FBRSL1: variants seen among roughly 807,000 people sequenced by gnomAD.
The protein encoded by FBRSL1 is fibrosin-1-like protein.
A neutral mutation model predicts 89.6 loss-of-function variants in FBRSL1; 51 were observed. The ratio of observed to expected loss-of-function variants is 0.57; its 90% CI spans 0.45 to 0.72. FBRSL1 has a LOEUF of 0.72. Among genes scored for constraint, FBRSL1 ranks in the 30% least tolerant of loss-of-function variants. The pLI is 0.00. For synonymous variants in FBRSL1, 779 were observed against 681.1 expected, an observed-to-expected ratio of 1.14 and a Z score of -2.24; for missense variants, 1,618 against 1,451.8, an observed-to-expected ratio of 1.11 and a Z score of -1.86.
chr12:132,564,014 G>A (rs958835040), intron 5 of FBRSL1, among the ~76,000 whole-genome samples: 6 of 151,220 alleles, frequency 4.0e-5, no homozygotes, highest in Admixed American at 3.9e-4. Flanking sequence ...CTCGGCTGCT[G>A]TGGCTGGGGC....
intron 1 of FBRSL1, among the ~76,000 whole-genome samples, chr12:132,494,734 G>A (rs952132166): frequency 5.9e-5 from 9 of 152,242 alleles, no homozygotes; most frequent in Admixed American, 2.6e-4. Flanking sequence ...AAGAAGGTGC[G>A]TGCTGAAGCT....
At chr12:132,510,751 C>T (rs2034240541) in intron 2 of FBRSL1, 1 of 1,191,926 alleles carries the variant, frequency 8.4e-7, no homozygotes. Context: ...ACAGTGCCCC[C>T]ACCCGCGTTG....
At chr12:132,543,377 G>A (rs901183762) in intron 4 of FBRSL1, among the ~76,000 whole-genome samples, 2 of 152,226 alleles carry the variant, frequency 1.3e-5, no homozygotes, top group South Asian at 2.1e-4. Context: ...GTGGGGCCAG[G>A]ACCCGCCCCC....
intron 2 of FBRSL1, chr12:132,510,187 A>G (rs1196325098): frequency 4.9e-6 from 6 of 1,231,400 alleles, no homozygotes; most frequent in Admixed American, 4.2e-5. Flanking sequence ...ATGGGCCCCA[A>G]CAAGCCCTGC....
chr12:132,510,314 G>A, intron 2 of FBRSL1: 1 of 1,230,518 alleles, frequency 8.1e-7, no homozygotes, highest in Non-Finnish European at 1.0e-6. Flanking sequence ...TATTGGATCT[G>A]GTGCCGGCCC....
chr12:132,514,949 A>G lies in FBRSL1; in HGVS notation c.489+6599A>G, dbSNP rs149037046. Reference sequence around the variant, plus strand: ...TACTCTTTTTTTTGTAGAGTCTGGGAAAGCCAGCAGGTGTTTTACATTTAC... The same window carrying G: ...TACTCTTTTTTTTGTAGAGTCTGGGGAAGCCAGCAGGTGTTTTACATTTAC... On this transcript the variant is annotated intron_variant, in intron 2 of 18. Transcript: ENST00000680143. Among the ~76,000 whole-genome samples the G allele has an allele frequency of 4.1e-3, 622 of 152,280 alleles. 9 individuals are homozygous for G. The highest frequency in any genetic ancestry group is 0.014 in the African/African-American group (563 of 41,552).
chr12:132,513,710 G>C (rs1380819176), intron 2 of FBRSL1, among the ~76,000 whole-genome samples: 1 of 152,198 alleles, frequency 6.6e-6, no homozygotes, highest in Non-Finnish European at 1.5e-5. Context: ...TGGTTGGTTT[G>C]TTGTTGGGGG....
intron 4 of FBRSL1, among the ~76,000 whole-genome samples, chr12:132,541,902 C>T (rs111937048): frequency 8.1e-6 from 1 of 123,418 alleles, no homozygotes; most frequent in Non-Finnish European, 2.0e-5. Flanking sequence ...CTGCTCCCCC[C>T]ACCACCCCGA....
Position 132,510,551 on chromosome 12 carries a change from A to G in FBRSL1, c.489+2201A>G. 3 of 1,231,152 alleles carry G rather than the reference A, an allele frequency of 2.4e-6. No homozygotes were observed. In the South Asian group the frequency reaches 1.3e-4, roughly 52 times the overall value. The allele number at this position is 1,231,152 out of a possible 1,614,324, so 76.3% of individuals were successfully genotyped here. The stretch of plus-strand genomic sequence containing the variant: ...GGCCGCATTGCCCTTCGGGCTGGAG[A>G]TGCTTTGCCGGACTAGCCTGAGGCC... On this transcript the variant is annotated intron_variant, in intron 2 of 18. Transcript: ENST00000680143.
chr12:132,571,987 G>A (rs118053709), intron 9 of FBRSL1: 8,682 of 485,452 alleles, frequency 0.018, 300 homozygotes, highest in East Asian at 0.13. Context: ...TCCCCAGCGC[G>A]ACCCAGCAGC....
intron 2 of FBRSL1, chr12:132,510,482 C>T (rs2136628714): frequency 1.6e-6 from 2 of 1,232,032 alleles, no homozygotes; most frequent in Non-Finnish European, 2.0e-6. Context: ...GTTTTCCAGC[C>T]CACTCCAGTG....
At chr12:132,515,663 C>A (rs887490179) in intron 2 of FBRSL1, among the ~76,000 whole-genome samples, 1 of 151,780 alleles carries the variant, frequency 6.6e-6, no homozygotes, top group Non-Finnish European at 1.5e-5. Flanking sequence ...ACTTTGGGAC[C>A]CCAAGGAGGG....
chr12:132,508,577 G>A (rs2033963736), intron 2 of FBRSL1, among the ~76,000 whole-genome samples: 2 of 152,214 alleles, frequency 1.3e-5, no homozygotes, highest in Admixed American at 1.3e-4. Context: ...GGCCACAGCA[G>A]GAGAGGTGCC....
Position 132,570,534 on chromosome 12 carries a change from CCGG to C in FBRSL1, c.1209_1211del (p.Ala404del), listed in dbSNP as rs2039938577. Reference sequence around the variant, plus strand: ...CAGCAGCCTGGTCCTCCCAGGACACCCGGCCGGTAGGTGTCTCGGCCACAATCT... The same window carrying C: ...CAGCAGCCTGGTCCTCCCAGGACACCCCGGTAGGTGTCTCGGCCACAATCT... On this transcript the variant is annotated inframe_deletion, in exon 8 of 19. Coordinates refer to ENST00000680143, the MANE Select transcript of FBRSL1 (RefSeq NM_001367871.1). The C allele has an allele frequency of 2.0e-6, 3 of 1,508,990 alleles. No homozygotes were observed. Among genetic ancestry groups the C allele is most frequent in the Non-Finnish European group, 2.7e-6 (3 of 1,132,074 alleles). The allele number at this position is 1,508,990 out of a possible 1,614,324, so 93.5% of individuals were successfully genotyped here.
chr12:132,543,962 C>T (rs955677713), intron 4 of FBRSL1, among the ~76,000 whole-genome samples: 1 of 152,296 alleles, frequency 6.6e-6, no homozygotes, highest in East Asian at 1.9e-4. Context: ...TGACTCGTGC[C>T]GCTGAGTGGT....
At chr12:132,581,659 C>T in intron 16 of FBRSL1, 82 bp from the exon 17 acceptor site, 1 of 1,499,818 alleles carries the variant, frequency 6.7e-7, no homozygotes, top group South Asian at 1.2e-5. Flanking sequence ...GGCCCAAAGC[C>T]TCTACAGCAG....
At position 132,560,389 on chromosome 12, in the gene FBRSL1, G is replaced by T. The variant is rs542280314; in HGVS notation, c.646-7092G>T. On this transcript the variant is annotated intron_variant, in intron 5 of 18. Coordinates refer to ENST00000680143, the MANE Select transcript of FBRSL1 (RefSeq NM_001367871.1). ...CCAAGCGCGGAGACCGCGTCCTCCCGGGGGCGCACGTGGCGGCGGGCGGGC... is the reference window on the plus strand; with the variant it reads ...CCAAGCGCGGAGACCGCGTCCTCCCTGGGGCGCACGTGGCGGCGGGCGGGC... Among the ~76,000 whole-genome samples the T allele has an allele frequency of 3.3e-5, 5 of 152,076 alleles. No individual in the cohort carries two copies. The South Asian group carries it at 1.0e-3, about 31-fold the overall frequency.
chr12:132,509,784 C>T (rs909296858), intron 2 of FBRSL1: 20 of 1,231,358 alleles, frequency 1.6e-5, no homozygotes, highest in Admixed American at 4.2e-5. Flanking sequence ...CTCAGGACAG[C>T]GCAGCCGGCC....
rs1270956718 is a variant in FBRSL1 at position 132,570,388 on chromosome 12, A to G, written c.1061A>G (p.His354Arg). The stretch of plus-strand genomic sequence containing the variant: ...GGGAAGCACGTGTCGCTGTCGCCAC[A>G]CGGGCCGGGCCCCCACCTGTCTACC... ...GLGKHVSLSP[H>R]GPGPHLSTSH... Residue 354 changes from histidine (H) to arginine (R), a missense_variant, in exon 8 of 19, where the codon CAC (histidine) becomes CGC (arginine). By Grantham distance (29) the His-to-Arg change is conservative (BLOSUM62 0). Transcript: ENST00000680143. The G allele has an allele frequency of 1.3e-6, 2 of 1,533,652 alleles. No individual in the cohort carries two copies. The highest frequency in any genetic ancestry group is 1.2e-5 in the South Asian group (1 of 83,596).
Sources: allele counts gnomAD v4.1 joint callset (sites outside exome capture counted in the v4.1 genomes callset), GRCh38; gene constraint gnomAD v4.1.1; transcripts MANE v1.5; gene names NCBI Gene and HGNC (gene_info 2026-07-23, HGNC 2026-07-21).